GPATCH2: variants seen among roughly 807,000 people sequenced by gnomAD.
The protein encoded by GPATCH2 is G patch domain-containing protein 2.
In GPATCH2, 51 loss-of-function variants were observed where a neutral mutation model predicts 58.0. That is an observed-to-expected ratio of 0.88 (90% CI 0.70 to 1.11). The LOEUF (loss-of-function observed/expected upper bound fraction) is 1.11, where lower values mean the gene tolerates loss of function less well. Among genes scored for constraint, GPATCH2 ranks in the 50% most tolerant of loss-of-function variants. The pLI, the probability that GPATCH2 is intolerant of heterozygous loss-of-function variation, is 0.00. For missense variants in GPATCH2, 625 were observed against 652.2 expected, an observed-to-expected ratio of 0.96 and a Z score of 0.45; for synonymous variants, 222 against 218.5, an observed-to-expected ratio of 1.02 and a Z score of -0.14.
At chr1:217,527,569 G>A (rs763567264) in intron 5 of GPATCH2, among the ~76,000 whole-genome samples, 35 of 150,774 alleles carry the variant, frequency 2.3e-4, no homozygotes, top group Admixed American at 4.6e-4. Context: ...AAGCCACTAC[G>A]TGCCTTTCTA....
chr1:217,433,382 ATATTTATTTATT>A (rs71967714), intron 9 of GPATCH2, among the ~76,000 whole-genome samples: 102 of 78,534 alleles, frequency 1.3e-3, no homozygotes, highest in Middle Eastern at 0.018. Flanking sequence ...ATATATATAT[ATATTTATTTATT>A]TATTTATTTA....
intron 5 of GPATCH2, chr1:217,608,527 T>G: frequency 2.0e-6 from 2 of 984,692 alleles, no homozygotes; most frequent in Non-Finnish European, 2.4e-6. Flanking sequence ...AATACCACAG[T>G]GAGATTGCAA....
chr1:217,546,341 C>A (rs35004417), intron 5 of GPATCH2, among the ~76,000 whole-genome samples: 30,971 of 152,072 alleles, frequency 0.2, 3,743 homozygotes, highest in East Asian at 0.36. Context: ...GGAGACATCA[C>A]ACTACCCAAC....
At chr1:217,551,281 G>A (rs532157710) in intron 5 of GPATCH2, among the ~76,000 whole-genome samples, 3 of 152,186 alleles carry the variant, frequency 2.0e-5, no homozygotes, top group South Asian at 2.1e-4. Context: ...CACAGGCAAG[G>A]TATCATCAAT....
chr1:217,501,519 C>T (rs984529596), intron 6 of GPATCH2, among the ~76,000 whole-genome samples: 1 of 152,094 alleles, frequency 6.6e-6, no homozygotes, highest in African/African-American at 2.4e-5. Context: ...AAACTGCCAA[C>T]ATTTTCCAGA....
intron 2 of GPATCH2, among the ~76,000 whole-genome samples, chr1:217,618,674 G>A (rs956701399): frequency 2.0e-4 from 30 of 151,994 alleles, no homozygotes; most frequent in African/African-American, 7.2e-4. Flanking sequence ...ATAAAAGATT[G>A]ATAGCTCACC....
chr1:217,450,579 A>G (rs940232780), intron 8 of GPATCH2, among the ~76,000 whole-genome samples: 1 of 152,102 alleles, frequency 6.6e-6, no homozygotes, highest in Admixed American at 6.5e-5. Context: ...ACATATCTTA[A>G]CAGTAAATGA....
intron 5 of GPATCH2, among the ~76,000 whole-genome samples, chr1:217,544,899 A>T (rs1208108666): frequency 6.6e-6 from 1 of 152,194 alleles, no homozygotes; most frequent in Non-Finnish European, 1.5e-5. Context: ...AAATGAAAGA[A>T]ATGTCTTTCC....
intron 9 of GPATCH2, among the ~76,000 whole-genome samples, chr1:217,442,706 T>C (rs1176168487): frequency 1.3e-5 from 2 of 152,168 alleles, no homozygotes; most frequent in African/African-American, 4.8e-5. Flanking sequence ...ACTCTAGCTT[T>C]CTTTGGCTAA....
chr1:217,516,841 T>C (rs1663182675), intron 5 of GPATCH2, among the ~76,000 whole-genome samples: 1 of 152,196 alleles, frequency 6.6e-6, no homozygotes, highest in Non-Finnish European at 1.5e-5. Context: ...AGAAGCTATT[T>C]TCAGGACTAA....
chr1:217,516,544 C>A (rs911793866), intron 5 of GPATCH2, among the ~76,000 whole-genome samples: 3 of 152,096 alleles, frequency 2.0e-5, no homozygotes, highest in Admixed American at 1.3e-4. Context: ...AGTGGGTATC[C>A]CTGGAATACA....
intron 5 of GPATCH2, among the ~76,000 whole-genome samples, chr1:217,593,788 T>C (rs1431941343): frequency 6.6e-6 from 1 of 152,032 alleles, no homozygotes; most frequent in Non-Finnish European, 1.5e-5. Flanking sequence ...TAAAATTAAA[T>C]AAAATGCATT....
chr1:217,625,572 A>T (rs1020872162), intron 1 of GPATCH2, among the ~76,000 whole-genome samples: 3 of 152,224 alleles, frequency 2.0e-5, no homozygotes, highest in Non-Finnish European at 2.9e-5. Flanking sequence ...AATAGTGAAA[A>T]ATAAAGTATA....
chr1:217,564,311 A>G (rs1488417242), intron 5 of GPATCH2, among the ~76,000 whole-genome samples: 1 of 152,300 alleles, frequency 6.6e-6, no homozygotes, highest in South Asian at 2.1e-4. Context: ...CGAGGCATGT[A>G]AGGAGAAATG....
intron 5 of GPATCH2, among the ~76,000 whole-genome samples, chr1:217,584,666 A>T (rs1221758972): frequency 6.6e-6 from 1 of 152,136 alleles, no homozygotes; most frequent in African/African-American, 2.4e-5. Context: ...GGAAGCAACC[A>T]GGGTAGATAC....
intron 5 of GPATCH2, among the ~76,000 whole-genome samples, chr1:217,585,030 A>C (rs1430514015): frequency 5.3e-5 from 8 of 152,120 alleles, no homozygotes; most frequent in Admixed American, 5.2e-4. Context: ...AATGCATAAT[A>C]GACCTTATAT....
At chr1:217,563,691 A>G (rs1425428263) in intron 5 of GPATCH2, among the ~76,000 whole-genome samples, 2 of 152,226 alleles carry the variant, frequency 1.3e-5, no homozygotes, top group African/African-American at 4.8e-5. Context: ...GAAAACAAAT[A>G]TTGCTATCTC....
At chr1:217,528,421 T>A (rs886387212) in intron 5 of GPATCH2, among the ~76,000 whole-genome samples, 2 of 152,240 alleles carry the variant, frequency 1.3e-5, no homozygotes, top group African/African-American at 4.8e-5. Flanking sequence ...TAGTTTCTTC[T>A]ACACACAGCA....
At chr1:217,509,932 C>T (rs548153091) in intron 6 of GPATCH2, among the ~76,000 whole-genome samples, 85 of 152,116 alleles carry the variant, frequency 5.6e-4, no homozygotes, top group East Asian at 9.7e-4. Flanking sequence ...AATGCTGATA[C>T]GAATTTGAGG....
Sources: allele counts gnomAD v4.1 joint callset (sites outside exome capture counted in the v4.1 genomes callset), GRCh38; gene constraint gnomAD v4.1.1; transcripts MANE v1.5; gene names NCBI Gene and HGNC (gene_info 2026-07-23, HGNC 2026-07-21).